RPH3AL: variants seen among roughly 807,000 people sequenced by gnomAD.
RPH3AL encodes rabphilin 3A like (without C2 domains), also known as rab effector Noc2.
In RPH3AL, 38 loss-of-function variants were observed where a neutral mutation model predicts 43.1. The ratio of observed to expected loss-of-function variants is 0.88; its 90% CI spans 0.68 to 1.15. The LOEUF is 1.15. RPH3AL is among the 50% of genes most tolerant of loss of function. The probability of loss-of-function intolerance (pLI) is 0.00; values close to 1 mark genes in which losing one functional copy is unlikely to be tolerated. For synonymous variants in RPH3AL, 189 were observed against 176.3 expected (o/e 1.07, Z -0.57); for missense variants, 462 against 423.2 (o/e 1.09, Z -0.81).
chr17:327,680 T>G (rs2044650979), intron 2 of RPH3AL, 101 bp from the exon 3 acceptor site: 1 of 681,364 alleles, frequency 1.5e-6, no homozygotes, highest in African/African-American at 1.8e-5. Flanking sequence ...ACCATCTCCA[T>G]GCACGATCCC....
At chr17:275,541 T>G (rs546385477) in intron 6 of RPH3AL, among the ~76,000 whole-genome samples, 1 of 152,268 alleles carries the variant, frequency 6.6e-6, no homozygotes, top group South Asian at 2.1e-4. Context: ...TTATGATTCT[T>G]CAAACTGCAC....
intron 6 of RPH3AL, among the ~76,000 whole-genome samples, chr17:279,789 T>G (rs1015171142): frequency 6.6e-6 from 1 of 152,194 alleles, no homozygotes; most frequent in African/African-American, 2.4e-5. Context: ...AGGGGTCCCC[T>G]GAAGATTAGA....
In RPH3AL at chr17:328,516, A is replaced by G. The variant is rs1228738136; in HGVS notation, c.-36-937T>C. ...GACACTTCCTCAAAATGTTGAACAC[A>G]GACTTACCATATGACCCAGAAACTC... On this transcript the variant is annotated intron_variant, in intron 2 of 9. Transcript: ENST00000331302. This position sits in a 1 kb window ranked among gnomAD's most constrained non-coding sequence, Gnocchi z 4.2. Among the ~76,000 whole-genome samples the G allele has an allele frequency of 6.6e-6, 1 of 152,036 alleles. No individual in the cohort carries two copies. Among genetic ancestry groups the G allele is most frequent in the African/African-American group, 2.4e-5 (1 of 41,380 alleles).
At chr17:306,503 C>T (rs976468722) in intron 5 of RPH3AL, 2 of 152,218 alleles carry the variant, frequency 1.3e-5, no homozygotes, top group Non-Finnish European at 2.9e-5. Context: ...CTTGGTACCC[C>T]TAGAGTGAGC....
intron 5 of RPH3AL, among the ~76,000 whole-genome samples, chr17:298,376 G>C (rs76970148): frequency 6.6e-6 from 1 of 152,032 alleles, no homozygotes; most frequent in Non-Finnish European, 1.5e-5. Context: ...CCCTGTGTTC[G>C]TTCCCATGCC....
rs967778902 is a variant in RPH3AL, at chr17:323,341, C to T, written c.78-1926G>A. Among the ~76,000 whole-genome samples, 11 of 152,054 alleles carry T rather than the reference C, an allele frequency of 7.2e-5. No homozygotes were observed. Among genetic ancestry groups the T allele is most frequent in the African/African-American group, 2.7e-4 (11 of 41,400 alleles). On this transcript the variant is annotated intron_variant, in intron 3 of 9. Transcript: ENST00000331302. The surrounding 1 kb of genome is among the most constrained non-coding windows in gnomAD (Gnocchi z 4.4). The stretch of plus-strand genomic sequence containing the variant: ...GTGCTGGGGAAGGAAAATACCGGGG[C>T]AGCAGGGCAGGGCTGGAAGGGGGGC...
At chr17:324,642 CT>C (rs1166039647) in intron 3 of RPH3AL, among the ~76,000 whole-genome samples, 1 of 151,586 alleles carries the variant, frequency 6.6e-6, no homozygotes, top group Non-Finnish European at 1.5e-5. Flanking sequence ...CTCCCTAAAC[CT>C]TCTGTCCACC....
At chr17:304,629 C>A (rs996334418) in intron 5 of RPH3AL, among the ~76,000 whole-genome samples, 1 of 152,026 alleles carries the variant, frequency 6.6e-6, no homozygotes, top group Non-Finnish European at 1.5e-5. Context: ...CGATTCCACC[C>A]GGCCAGGGCA....
intron 7 of RPH3AL, among the ~76,000 whole-genome samples, chr17:243,680 G>T (rs1162322377): frequency 7.3e-6 from 1 of 137,790 alleles, no homozygotes; most frequent in Non-Finnish European, 1.5e-5. Context: ...TTCCTCTATT[G>T]ACTACCTTCC....
intron 7 of RPH3AL, among the ~76,000 whole-genome samples, chr17:236,662 C>T (rs1455816793): frequency 2.0e-5 from 3 of 152,240 alleles, no homozygotes; most frequent in Non-Finnish European, 4.4e-5. Flanking sequence ...TCTGTCTCCT[C>T]GCGGCCTCGC....
rs921051824 is a variant in RPH3AL, at chr17:345,201, C to T, written c.-213+7511G>A. Among the ~76,000 whole-genome samples the T allele has an allele frequency of 2.2e-5, 3 of 135,184 alleles. 1 individual carries two copies. Among genetic ancestry groups the T allele is most frequent in the Non-Finnish European group, 5.1e-5 (3 of 59,238 alleles). The allele number at this position is 135,184 out of a possible 152,430, so 88.7% of individuals were successfully genotyped here. A position where few individuals can be genotyped will look rare whatever the true frequency, so the allele number is the denominator to read the frequency against. On this transcript the variant is annotated intron_variant, in intron 1 of 9. Coordinates refer to ENST00000331302, the MANE Select transcript of RPH3AL (RefSeq NM_006987.4). ...GGCTGAGGTAGGAGGGTCACCTGAG[C>T]CTGGGGAGGTTAAGCCTGCAGTGAG...
At chr17:297,060 G>C (rs1287884395) in intron 5 of RPH3AL, among the ~76,000 whole-genome samples, 2 of 152,184 alleles carry the variant, frequency 1.3e-5, no homozygotes, top group East Asian at 3.9e-4. Context: ...GTTCCATCAG[G>C]AGCTCTGGAA....
In RPH3AL at chr17:245,403, G is replaced by A. The variant is rs9896350; in HGVS notation, c.613+1708C>T. On this transcript the variant is annotated intron_variant, in intron 7 of 9. Coordinates refer to ENST00000331302, the MANE Select transcript of RPH3AL (RefSeq NM_006987.4). The surrounding 1 kb of genome is among the most constrained non-coding windows in gnomAD (Gnocchi z 5.9). ...TGTCAGTGTGTGTGTGGATATCAGT[G>A]TGTGTGTGTGCATGGTGATGTGTGT... is the stretch of plus-strand genomic sequence containing the variant. Among the ~76,000 whole-genome samples, 61,925 of 141,062 alleles carry A rather than the reference G, an allele frequency of 0.44. 13,166 individuals carry two copies. Among genetic ancestry groups the A allele is most frequent in the East Asian group, 0.65 (2,987 of 4,620 alleles). 92.5% of individuals were successfully genotyped at this position (141,062 alleles called of 152,430 possible).
rs2041732940 is a variant in RPH3AL at position 245,325 on chromosome 17, GTGTGTGTGTGTGGA to G, written c.613+1772_613+1785del. Among the ~76,000 whole-genome samples, 1 of 150,738 alleles carries G rather than the reference GTGTGTGTGTGTGGA, an allele frequency of 6.6e-6. No homozygotes were observed. Among genetic ancestry groups the G allele is most frequent in the Admixed American group, 6.6e-5 (1 of 15,104 alleles). On this transcript the variant is annotated intron_variant, in intron 7 of 9. Coordinates refer to ENST00000331302, the MANE Select transcript of RPH3AL (RefSeq NM_006987.4). This position sits in a 1 kb window ranked among gnomAD's most constrained non-coding sequence, Gnocchi z 5.9. Reference sequence around the variant, plus strand: ...GATGTGTGTGTGGATGTGGATGTCAGTGTGTGTGTGTGGATGTGAGTGTGTATGTGGATGTCAGT... The same window carrying G: ...GATGTGTGTGTGGATGTGGATGTCAGTGTGAGTGTGTATGTGGATGTCAGT...
chr17:294,006 T>C (rs1387976407), intron 5 of RPH3AL, among the ~76,000 whole-genome samples: 2 of 152,126 alleles, frequency 1.3e-5, no homozygotes, highest in Non-Finnish European at 2.9e-5. Flanking sequence ...ACAGCCTGGG[T>C]GACAGAGCAA....
At chr17:214,640 C>CTT (rs2040749672) in intron 9 of RPH3AL, 1 of 152,484 alleles carries the variant, frequency 6.6e-6, no homozygotes, top group Non-Finnish European at 1.5e-5. Context: ...CATGGTGGCA[C>CTT]TTGCCTATAG....
chr17:292,232 C>T (rs1487719284), intron 5 of RPH3AL, among the ~76,000 whole-genome samples: 1 of 152,220 alleles, frequency 6.6e-6, no homozygotes, highest in South Asian at 2.1e-4. Context: ...CCCTGAAGTG[C>T]CATCCGCCAG....
At chr17:257,427 C>T (rs372890538) in intron 6 of RPH3AL, among the ~76,000 whole-genome samples, 9 of 8,686 alleles carry the variant, frequency 1.0e-3, no homozygotes, top group Admixed American at 3.6e-3. Flanking sequence ...TCCCTAGGAA[C>T]GTGACTACCC....
intron 6 of RPH3AL, among the ~76,000 whole-genome samples, chr17:277,341 G>A (rs2151600134): frequency 6.6e-6 from 1 of 152,196 alleles, no homozygotes; most frequent in Non-Finnish European, 1.5e-5. Flanking sequence ...CTGGATTTTT[G>A]GAAGGTGTTT....
Sources: allele counts gnomAD v4.1 joint callset (sites outside exome capture counted in the v4.1 genomes callset), GRCh38; gene constraint gnomAD v4.1.1; non-coding constraint Gnocchi (gnomAD v3.1); transcripts MANE v1.5; gene names NCBI Gene and HGNC (gene_info 2026-07-23, HGNC 2026-07-21).